The following C11orf65 variants were observed in gnomAD, a reference collection of about 807,000 sequenced individuals.
The protein encoded by C11orf65 is chromosome 11 open reading frame 65.
Under a neutral mutation model 35.3 loss-of-function variants are expected in C11orf65, and 38 were observed. That is an observed-to-expected ratio of 1.08 (90% CI 0.83 to 1.41). The LOEUF (loss-of-function observed/expected upper bound fraction) is 1.41. Among genes scored for constraint, C11orf65 ranks in the 40% most tolerant of loss-of-function variants. The pLI, the probability that C11orf65 is intolerant of heterozygous loss-of-function variation, is 0.00. For missense variants in C11orf65, 370 were observed against 367.1 expected (o/e 1.01, Z -0.06); for synonymous variants, 105 against 114.4 (o/e 0.92, Z 0.53).
intron 2 of C11orf65, chr11:108,336,005 G>C (rs1387244932): frequency 6.8e-7 from 1 of 1,472,966 alleles, no homozygotes; most frequent in South Asian, 1.1e-5. Context: ...ACATATAAAA[G>C]ATGCCATTTG....
At chr11:108,467,260 G>A (rs1345014025) in intron 1 of C11orf65, among the ~76,000 whole-genome samples, 1 of 152,118 alleles carries the variant, frequency 6.6e-6, no homozygotes, top group African/African-American at 2.4e-5. Flanking sequence ...TGAGGAAGGG[G>A]TTACTCCCGG....
At chr11:108,335,441 G>T (rs1417891527) in intron 2 of C11orf65, 2 of 541,592 alleles carry the variant, frequency 3.7e-6, no homozygotes, top group African/African-American at 3.8e-5. Flanking sequence ...GACGTCCTTT[G>T]CATCAGTATA....
Position 108,314,242 on chromosome 11 carries a change from A to G in C11orf65, c.641-5171T>C, listed in dbSNP as rs4988080. ...GCCATCCTCCAACCTCAGCCTCACA[A>G]GTAGCTGGGACTACAGGCATGCCCC... On this transcript the variant is annotated intron_variant, in intron 6 of 6. Coordinates refer to the C11orf65 transcript ENST00000525729. Among the ~76,000 whole-genome samples, 700 of 152,184 alleles carry G rather than the reference A, an allele frequency of 4.6e-3. 5 individuals are homozygous for G. Among genetic ancestry groups the G allele is most frequent in the Non-Finnish European group, 3.5e-3 (235 of 67,996 alleles).
In C11orf65 at chr11:108,310,314, A is replaced by G. The variant is rs786202089; in HGVS notation, c.641-1243T>C. The G allele has an allele frequency of 5.0e-6, 8 of 1,612,412 alleles. No homozygotes were observed. In the Admixed American group the frequency reaches 5.0e-5, roughly 10 times the overall value. On this transcript the variant is annotated intron_variant, in intron 6 of 6. Coordinates refer to the C11orf65 transcript ENST00000525729. ...GAAAAGTATGGATGATCAAGAGAAA[A>G]GGTAATGGAATTTAGAATTTTTGGT...
chr11:108,373,168 A>G lies in C11orf65; in HGVS notation c.226+20040T>C, dbSNP rs1591408472. On this transcript the variant is annotated intron_variant, in intron 2 of 3. Coordinates refer to the C11orf65 transcript ENST00000524755. ...ATCCTCACAAAATATTAGCAAATCA[A>G]TTCTATCAATATAAGAAAGAGGTAA... 2.0e-5 allele frequency among the ~76,000 whole-genome samples: 3 copies of G among 152,236 alleles called. No homozygotes were observed. The East Asian group carries it at 5.8e-4, about 29-fold the overall frequency.
chr11:108,395,581 T>C (rs1055060042), intron 6 of C11orf65, among the ~76,000 whole-genome samples: 2 of 150,810 alleles, frequency 1.3e-5, no homozygotes, highest in Admixed American at 6.6e-5. Context: ...CCTCCCAAAG[T>C]GTTGTGATTA....
intron 3 of C11orf65, among the ~76,000 whole-genome samples, chr11:108,411,550 T>C (rs949926259): frequency 6.6e-6 from 1 of 152,198 alleles, no homozygotes; most frequent in Non-Finnish European, 1.5e-5. Context: ...TTTTTTTGTG[T>C]GCTTGTTTCT....
intron 2 of C11orf65, among the ~76,000 whole-genome samples, chr11:108,376,432 A>C (rs868574779): frequency 1.3e-5 from 2 of 152,120 alleles, no homozygotes; most frequent in Admixed American, 6.6e-5. Flanking sequence ...TGAAACCAAC[A>C]AGAACAAAGA....
intron 7 of C11orf65, among the ~76,000 whole-genome samples, chr11:108,391,532 C>A (rs1233798461): frequency 6.6e-6 from 1 of 152,170 alleles, no homozygotes; most frequent in South Asian, 2.1e-4. Flanking sequence ...GTGCCCGCCA[C>A]CAGGCCTGAC....
chr11:108,364,182 C>T (rs1234743906), intron 2 of C11orf65, among the ~76,000 whole-genome samples: 3 of 152,142 alleles, frequency 2.0e-5, no homozygotes, highest in African/African-American at 7.2e-5. Context: ...TCCCAACCTG[C>T]AGATTTACTG....
intron 3 of C11orf65, among the ~76,000 whole-genome samples, chr11:108,430,534 A>T (rs2092972123): frequency 1.3e-5 from 2 of 152,078 alleles, no homozygotes; most frequent in Admixed American, 1.3e-4. Flanking sequence ...TTTTAAAAAA[A>T]TACAAAGAAC....
intron 3 of C11orf65, among the ~76,000 whole-genome samples, chr11:108,428,873 G>A (rs1262332106): frequency 1.2e-4 from 18 of 152,218 alleles, no homozygotes; most frequent in Non-Finnish European, 2.5e-4. Flanking sequence ...CCAGCTTGGT[G>A]TAGTGGCTCA....
chr11:108,422,557 T>C (rs1591520352), intron 3 of C11orf65, among the ~76,000 whole-genome samples: 3 of 152,216 alleles, frequency 2.0e-5, no homozygotes, highest in East Asian at 3.9e-4. Context: ...TAAATAGCAT[T>C]TAATCACTTG....
At chr11:108,367,200 G>C (rs1175615935) in intron 2 of C11orf65, 1 of 178,092 alleles carries the variant, frequency 5.6e-6, no homozygotes, top group African/African-American at 2.4e-5. Flanking sequence ...TGTTAGCCAG[G>C]ATGGTCTCGA....
intron 3 of C11orf65, among the ~76,000 whole-genome samples, chr11:108,416,363 T>C (rs1238860157): frequency 6.6e-6 from 1 of 152,136 alleles, no homozygotes; most frequent in Non-Finnish European, 1.5e-5. Flanking sequence ...CAACGTTGTA[T>C]GTCATTAAGG....
chr11:108,422,535 T>C (rs1484111450), intron 3 of C11orf65, among the ~76,000 whole-genome samples: 2 of 152,108 alleles, frequency 1.3e-5, no homozygotes, highest in Non-Finnish European at 2.9e-5. Context: ...AGGGACAGGA[T>C]AGTATTTTCA....
At chr11:108,335,231 A>G (rs1208891083) in exon 3 of C11orf65, 2 of 1,559,454 alleles carry the variant, frequency 1.3e-6, no homozygotes, top group Admixed American at 1.8e-5. Context: ...AATGAGGAAG[A>G]TTTGTAGAGT....
chr11:108,445,523 G>C (rs940215298), intron 2 of C11orf65, among the ~76,000 whole-genome samples: 1 of 152,126 alleles, frequency 6.6e-6, no homozygotes, highest in East Asian at 1.9e-4. Context: ...GTCTGGAGTG[G>C]ACCTCTAGCA....
chr11:108,325,749 C>T (rs1360350818), intron 6 of C11orf65, among the ~76,000 whole-genome samples: 1 of 152,112 alleles, frequency 6.6e-6, no homozygotes, highest in East Asian at 1.9e-4. Flanking sequence ...CTTTTCTCAA[C>T]CTCAATTTCC....
Sources: allele counts gnomAD v4.1 joint callset (sites outside exome capture counted in the v4.1 genomes callset), GRCh38; gene constraint gnomAD v4.1.1; transcripts MANE v1.5; gene names NCBI Gene and HGNC (gene_info 2026-07-23, HGNC 2026-07-21).